SPAG16: variants seen among roughly 807,000 people sequenced by gnomAD.
SPAG16 encodes the protein sperm-associated antigen 16 protein.
Under a neutral mutation model 80.4 loss-of-function variants are expected in SPAG16, and 86 were observed. The ratio of observed to expected loss-of-function variants is 1.07; its 90% CI spans 0.90 to 1.28. SPAG16 has a LOEUF of 1.28. SPAG16 is among the 50% of genes most tolerant of loss of function. The pLI is 0.00. For missense variants in SPAG16, 870 were observed against 765.3 expected, an observed-to-expected ratio of 1.14 and a Z score of -1.61; for synonymous variants, 294 against 265.9, an observed-to-expected ratio of 1.11 and a Z score of -1.03.
chr2:213,929,031 T>A (rs905839524), intron 11 of SPAG16, among the ~76,000 whole-genome samples: 3 of 81,284 alleles, frequency 3.7e-5, no homozygotes, highest in Non-Finnish European at 6.7e-5. Context: ...TTTTTTTTTT[T>A]AAGACTGAGT....
chr2:213,832,991 G>A (rs950920981), intron 10 of SPAG16, among the ~76,000 whole-genome samples: 7 of 151,880 alleles, frequency 4.6e-5, no homozygotes, highest in Admixed American at 2.0e-4. Flanking sequence ...TTGTATATAT[G>A]TTTCATATAA....
chr2:213,895,177 C>T (rs1452062452), intron 11 of SPAG16, among the ~76,000 whole-genome samples: 1 of 151,606 alleles, frequency 6.6e-6, no homozygotes, highest in Non-Finnish European at 1.5e-5. Flanking sequence ...ACAATAGCTA[C>T]AATAATATAA....
chr2:213,717,869 A>T (rs1348376841), intron 10 of SPAG16, among the ~76,000 whole-genome samples: 3 of 152,162 alleles, frequency 2.0e-5, no homozygotes, highest in Non-Finnish European at 2.9e-5. Context: ...GGGGTTTTAA[A>T]CATAAGACCC....
chr2:214,026,186 T>A (rs1191466953), intron 13 of SPAG16, among the ~76,000 whole-genome samples: 1 of 151,568 alleles, frequency 6.6e-6, no homozygotes, highest in South Asian at 2.1e-4. Flanking sequence ...CATCTTCTTA[T>A]AATTTCTACT....
chr2:213,294,251 TAAG>T (rs1271284362), intron 1 of SPAG16, among the ~76,000 whole-genome samples: 8 of 152,206 alleles, frequency 5.3e-5, no homozygotes, highest in Non-Finnish European at 8.8e-5. Flanking sequence ...GGGTGTTAAA[TAAG>T]AAGTAACAGA....
At chr2:214,379,014 T>C (rs1483283875) in intron 15 of SPAG16, among the ~76,000 whole-genome samples, 1 of 152,186 alleles carries the variant, frequency 6.6e-6, no homozygotes, top group Non-Finnish European at 1.5e-5. Context: ...CCTTGGCTCA[T>C]CATACCACCG....
intron 10 of SPAG16, among the ~76,000 whole-genome samples, chr2:213,678,175 C>G (rs1431435852): frequency 6.6e-6 from 1 of 151,946 alleles, no homozygotes; most frequent in African/African-American, 2.4e-5. Flanking sequence ...AGGAAAGATG[C>G]AAAATTGACA....
intron 14 of SPAG16, among the ~76,000 whole-genome samples, chr2:214,116,947 A>G (rs2053962918): frequency 6.6e-6 from 1 of 152,188 alleles, no homozygotes; most frequent in Non-Finnish European, 1.5e-5. Context: ...AAATGCAGAC[A>G]TTGTCACATG....
At chr2:213,313,026 TCTTA>T (rs1157422041) in intron 4 of SPAG16, among the ~76,000 whole-genome samples, 1 of 151,872 alleles carries the variant, frequency 6.6e-6, no homozygotes, top group African/African-American at 2.4e-5. Flanking sequence ...TGTCATTTGA[TCTTA>T]CTGCTGTTTC....
chr2:213,540,392 CA>C (rs2076405215), intron 10 of SPAG16, among the ~76,000 whole-genome samples: 1 of 152,022 alleles, frequency 6.6e-6, no homozygotes, highest in South Asian at 2.1e-4. Context: ...TTATATTACA[CA>C]AAGTCTGAAG....
intron 10 of SPAG16, among the ~76,000 whole-genome samples, chr2:213,692,979 CAGAT>C (rs2065008764): frequency 6.6e-6 from 1 of 152,044 alleles, no homozygotes; most frequent in African/African-American, 2.4e-5. Flanking sequence ...TAAAAATATT[CAGAT>C]AGATTTCTTT....
At chr2:214,061,327 T>C (rs1049070941) in intron 13 of SPAG16, among the ~76,000 whole-genome samples, 1 of 152,184 alleles carries the variant, frequency 6.6e-6, no homozygotes, top group African/African-American at 2.4e-5. Context: ...GGGCACTAGG[T>C]TAGTACTCAG....
At chr2:213,317,675 T>G in intron 5 of SPAG16, 2 of 1,000,128 alleles carry the variant, frequency 2.0e-6, no homozygotes, top group Non-Finnish European at 2.4e-6. Flanking sequence ...ATAGGCTAAT[T>G]TCTGAAATAA....
At chr2:213,903,815 A>G (rs1475245470) in intron 11 of SPAG16, among the ~76,000 whole-genome samples, 1 of 152,084 alleles carries the variant, frequency 6.6e-6, no homozygotes, top group African/African-American at 2.4e-5. Context: ...CACCCAAGTC[A>G]CCTGCTGAAT....
chr2:214,101,684 G>A (rs757473646), intron 13 of SPAG16, among the ~76,000 whole-genome samples: 63 of 152,146 alleles, frequency 4.1e-4, no homozygotes, highest in South Asian at 8.3e-4. Flanking sequence ...AGGGGACTTT[G>A]GAATCAGGCA....
chr2:213,946,623 T>C (rs1272464849), intron 12 of SPAG16, among the ~76,000 whole-genome samples: 1 of 152,208 alleles, frequency 6.6e-6, no homozygotes, highest in East Asian at 1.9e-4. Flanking sequence ...CATTGCCTAT[T>C]GTCAAAATTA....
intron 10 of SPAG16, among the ~76,000 whole-genome samples, chr2:213,531,873 A>G (rs2076081371): frequency 6.6e-6 from 1 of 152,188 alleles, no homozygotes; most frequent in African/African-American, 2.4e-5. Flanking sequence ...TCCATTTGGA[A>G]TCTTACAATC....
At chr2:214,376,974 T>C (rs1700170003) in intron 15 of SPAG16, among the ~76,000 whole-genome samples, 1 of 152,206 alleles carries the variant, frequency 6.6e-6, no homozygotes, top group African/African-American at 2.4e-5. Flanking sequence ...AGACCATACA[T>C]GGTGCCATTC....
At chr2:213,865,467 G>A (rs767871310) in intron 11 of SPAG16, among the ~76,000 whole-genome samples, 20 of 151,160 alleles carry the variant, frequency 1.3e-4, no homozygotes, top group Non-Finnish European at 2.2e-4. Flanking sequence ...ATCCAAAGCC[G>A]TATTCAGAGT....
Sources: allele counts gnomAD v4.1 joint callset (sites outside exome capture counted in the v4.1 genomes callset), GRCh38; gene constraint gnomAD v4.1.1; transcripts MANE v1.5; gene names NCBI Gene and HGNC (gene_info 2026-07-23, HGNC 2026-07-21).